Variants in FANCC observed in about 807,000 individuals in gnomAD.
FANCC encodes the protein FA complementation group C, also known as Fanconi anemia group C protein.
FANCC carries 55 observed loss-of-function variants against 71.3 expected under a neutral mutation model. The ratio of observed to expected loss-of-function variants is 0.77; its 90% confidence interval spans 0.62 to 0.97. The LOEUF (loss-of-function observed/expected upper bound fraction) is 0.97, where lower values mean the gene tolerates loss of function less well. FANCC is among the 50% of genes least tolerant of loss of function. The pLI is 0.00. For missense variants in FANCC, 678 were observed against 670.9 expected (o/e 1.01, Z -0.12); for synonymous variants, 275 against 244.9 (o/e 1.12, Z -1.15).
At chr9:95,291,523 T>TA (rs1833995117) in intron 1 of FANCC, among the ~76,000 whole-genome samples, 1 of 152,110 alleles carries the variant, frequency 6.6e-6, no homozygotes, top group Admixed American at 6.5e-5. Context: ...GGTATAAATT[T>TA]AACCAAGGAT....
At chr9:95,296,442 GT>G in intron 1 of FANCC, among the ~76,000 whole-genome samples, 1 of 151,772 alleles carries the variant, frequency 6.6e-6, no homozygotes, top group Admixed American at 6.6e-5. Context: ...TAATTATGTG[GT>G]TTTTATTTTA....
chr9:95,201,283 C>G (rs921558988), intron 4 of FANCC, among the ~76,000 whole-genome samples: 1 of 152,122 alleles, frequency 6.6e-6, no homozygotes, highest in Non-Finnish European at 1.5e-5. Flanking sequence ...CACTGCTAGT[C>G]TCTCATCATT....
chr9:95,293,303 T>G, intron 1 of FANCC: 2 of 1,613,432 alleles, frequency 1.2e-6, no homozygotes, highest in Non-Finnish European at 1.7e-6. Context: ...TACAGCCGAC[T>G]CCTCAGCCCA....
chr9:95,111,434 A>C (rs770342852), intron 13 of FANCC, 29 bp downstream of exon 13: 3 of 1,605,912 alleles, frequency 1.9e-6, no homozygotes, highest in Non-Finnish European at 2.5e-6. Context: ...AGCCCACCCC[A>C]AACACATGCA....
intron 1 of FANCC, among the ~76,000 whole-genome samples, chr9:95,288,835 G>A (rs1057409923): frequency 2.0e-5 from 3 of 151,544 alleles, no homozygotes; most frequent in African/African-American, 7.3e-5. Context: ...TAGTGCAAGC[G>A]TGTAACCCTA....
rs1830064754 is a variant in FANCC, at chr9:95,149,999, G to A, written c.610C>T (p.Leu204Phe). 2 of 1,613,936 alleles carry A rather than the reference G, an allele frequency of 1.2e-6. No individual in the cohort carries two copies. Among genetic ancestry groups the A allele is most frequent in the African/African-American group, 1.3e-5 (1 of 75,038 alleles). The change falls in exon 7 of 15, where the codon CTC (leucine) becomes TTC (phenylalanine). Residue 204 changes from leucine (L) to phenylalanine (F), a missense_variant. Transcript: ENST00000289081. Reference protein sequence around the residue: ...TDVDPLVEALLICHGREPQEI... With the variant: ...TDVDPLVEALFICHGREPQEI... The stretch of plus-strand genomic sequence containing the variant: ...TGAGGTTCACGTCCATGACAGATGA[G>A]GAGAGCCTCCACCAGGGGGTCAACA...
intron 11 of FANCC, among the ~76,000 whole-genome samples, chr9:95,115,211 G>C (rs2072293239): frequency 6.6e-6 from 1 of 152,062 alleles, no homozygotes; most frequent in African/African-American, 2.4e-5. Flanking sequence ...CAAAGTGCTG[G>C]AATTACAGGC....
intron 1 of FANCC, chr9:95,293,222 T>TTA (rs1834164838): frequency 6.2e-7 from 1 of 1,613,266 alleles, no homozygotes; most frequent in African/African-American, 1.3e-5. Context: ...AAAGTTGCTT[T>TTA]TACCAAAGCC....
intron 6 of FANCC, among the ~76,000 whole-genome samples, chr9:95,154,883 T>C (rs780889064): frequency 1.3e-5 from 2 of 151,968 alleles, no homozygotes; most frequent in Admixed American, 6.6e-5. Context: ...AAAACTAAAA[T>C]ACAATGTTAA....
At chr9:95,313,495 A>G (rs963126186) in intron 1 of FANCC, among the ~76,000 whole-genome samples, 5 of 152,208 alleles carry the variant, frequency 3.3e-5, no homozygotes, top group African/African-American at 1.2e-4. Context: ...AAATTTCCCT[A>G]TAAAGAAATA....
intron 8 of FANCC, among the ~76,000 whole-genome samples, chr9:95,131,885 T>C (rs956272068): frequency 6.6e-5 from 10 of 152,140 alleles, no homozygotes; most frequent in Non-Finnish European, 1.0e-4. Flanking sequence ...CTACAATTGC[T>C]ACCTGGAGAA....
chr9:95,179,356 T>C (rs1374447513), intron 4 of FANCC, among the ~76,000 whole-genome samples: 1 of 152,236 alleles, frequency 6.6e-6, no homozygotes, highest in Non-Finnish European at 1.5e-5. Flanking sequence ...GTGATTCATA[T>C]GCACATTAAT....
At chr9:95,298,177 G>A (rs369375186) in intron 1 of FANCC, among the ~76,000 whole-genome samples, 1 of 152,102 alleles carries the variant, frequency 6.6e-6, no homozygotes, top group South Asian at 2.1e-4. Flanking sequence ...GATAAGAGAT[G>A]CTTATCAGGG....
At chr9:95,228,278 A>T (rs890055452) in intron 4 of FANCC, among the ~76,000 whole-genome samples, 17 of 152,198 alleles carry the variant, frequency 1.1e-4, no homozygotes, top group African/African-American at 4.1e-4. Flanking sequence ...CTATTGCCTC[A>T]CACCATTAAT....
chr9:95,303,136 C>T (rs932718675), intron 1 of FANCC, among the ~76,000 whole-genome samples: 1 of 152,248 alleles, frequency 6.6e-6, no homozygotes, highest in African/African-American at 2.4e-5. Context: ...CCATCCAATA[C>T]TGCAGGCGCC....
intron 1 of FANCC, among the ~76,000 whole-genome samples, chr9:95,305,334 T>C (rs1835010173): frequency 6.6e-6 from 1 of 152,080 alleles, no homozygotes. Context: ...ACTTTAGAAA[T>C]GACTATATGG....
intron 6 of FANCC, among the ~76,000 whole-genome samples, chr9:95,155,506 G>A (rs1367244724): frequency 6.6e-6 from 1 of 151,944 alleles, no homozygotes; most frequent in Non-Finnish European, 1.5e-5. Flanking sequence ...TTTCCCTCTG[G>A]AGTATTTTTT....
intron 1 of FANCC, among the ~76,000 whole-genome samples, chr9:95,311,838 T>C (rs1835426048): frequency 6.6e-6 from 1 of 152,106 alleles, no homozygotes; most frequent in Non-Finnish European, 1.5e-5. Flanking sequence ...AAAATGTTTA[T>C]ATCACACATA....
chr9:95,130,061 T>C (rs913936406), intron 8 of FANCC, among the ~76,000 whole-genome samples: 2 of 152,140 alleles, frequency 1.3e-5, no homozygotes, highest in African/African-American at 4.8e-5. Flanking sequence ...TCAGTGCCTG[T>C]TTTGGAAGAG....
Sources: gnomAD v4.1 joint callset for allele counts (sites outside exome capture counted in the v4.1 genomes callset) on GRCh38, gnomAD v4.1.1 for gene constraint, MANE v1.5 for transcripts, NCBI Gene and HGNC (gene_info 2026-07-23, HGNC 2026-07-21) for gene names.